Variants in LARP1B observed in about 807,000 individuals in gnomAD.
The protein encoded by LARP1B is La ribonucleoprotein 1B.
A neutral mutation model predicts 114.2 loss-of-function variants in LARP1B; 76 were observed. That is an observed-to-expected ratio of 0.67 (90% CI 0.55 to 0.81). The LOEUF (loss-of-function observed/expected upper bound fraction) is 0.81, where lower values mean the gene tolerates loss of function less well. Ranked by LOEUF, LARP1B falls within the 30% of genes least tolerant of loss-of-function variation. The pLI is 0.00. For synonymous variants in LARP1B, 345 were observed against 348.0 expected (o/e 0.99, Z 0.10); for missense variants, 1,014 against 1,075.8 (o/e 0.94, Z 0.80).
intron 10 of LARP1B, among the ~76,000 whole-genome samples, chr4:128,115,453 C>T (rs2149913829): frequency 6.6e-6 from 1 of 152,178 alleles, no homozygotes; most frequent in East Asian, 1.9e-4. Context: ...TGCCTGTGGT[C>T]TCAGCTACTC....
chr4:128,076,443 G>C (rs969369534), intron 3 of LARP1B, among the ~76,000 whole-genome samples: 1 of 152,092 alleles, frequency 6.6e-6, no homozygotes, highest in African/African-American at 2.4e-5. Flanking sequence ...TTACTTGTGT[G>C]TCAGCAGTTC....
At chr4:128,118,270 T>C (rs894325212) in intron 10 of LARP1B, among the ~76,000 whole-genome samples, 41 of 145,130 alleles carry the variant, frequency 2.8e-4, no homozygotes, top group African/African-American at 1.1e-3. Context: ...TCTTGCCCTG[T>C]CACTAGGCTG....
At chr4:128,144,557 A>C (rs1489222004) in intron 11 of LARP1B, among the ~76,000 whole-genome samples, 1 of 151,828 alleles carries the variant, frequency 6.6e-6, no homozygotes, top group Non-Finnish European at 1.5e-5. Context: ...CTTTTTGTGA[A>C]ATCCTAGGCT....
rs9307603 is a variant in LARP1B, at chr4:128,091,618, A to G, written c.668+106A>G. ...GCTATAATTTTTTTTTTTTTTTGAG[A>G]CAGAGTCTCACTCTGTTGCCCAGGC... On this transcript the variant is annotated intron_variant, in intron 7 of 19. Transcript: ENST00000326639. 1.2e-3 allele frequency: 970 copies of G among 786,140 alleles called. 10 individuals are homozygous for G. The African/African-American group carries it at 0.016, about 13-fold the overall frequency. 48.7% of individuals were successfully genotyped at this position (786,140 alleles called of 1,614,324 possible).
chr4:128,102,866 C>G (rs898189715), intron 8 of LARP1B, among the ~76,000 whole-genome samples: 9 of 152,180 alleles, frequency 5.9e-5, no homozygotes, highest in Admixed American at 1.3e-4. Flanking sequence ...AGCCTCAGAA[C>G]TGTGCCTGCT....
chr4:128,176,207 A>T (rs963767735), intron 12 of LARP1B, among the ~76,000 whole-genome samples: 1 of 143,842 alleles, frequency 7.0e-6, no homozygotes, highest in Non-Finnish European at 1.5e-5. Flanking sequence ...TATATATTAT[A>T]TATTTATATA....
At chr4:128,143,903 G>C (rs1462745590) in intron 11 of LARP1B, among the ~76,000 whole-genome samples, 2 of 151,410 alleles carry the variant, frequency 1.3e-5, no homozygotes, top group African/African-American at 2.4e-5. Context: ...AAGAGAGAAT[G>C]GAAGATACAG....
chr4:128,065,566 A>G (rs917795282), intron 1 of LARP1B, among the ~76,000 whole-genome samples: 2 of 151,898 alleles, frequency 1.3e-5, no homozygotes, highest in African/African-American at 2.4e-5. Context: ...GCAGTTAAAT[A>G]ACTTAGGTAA....
chr4:128,073,801 G>A (rs1766680089), intron 1 of LARP1B, among the ~76,000 whole-genome samples: 2 of 151,704 alleles, frequency 1.3e-5, no homozygotes, highest in South Asian at 4.2e-4. Context: ...ATGTTGGCCA[G>A]GCTGGTCTCA....
At chr4:128,213,986 C>T (rs1228837906), downstream of LARP1B, among the ~76,000 whole-genome samples, 5 of 151,628 alleles carry the variant, frequency 3.3e-5, no homozygotes, top group African/African-American at 9.7e-5. Flanking sequence ...CATTGCCTCA[C>T]CTGGGAAGCG....
chr4:128,130,668 G>A (rs764184615), intron 11 of LARP1B, among the ~76,000 whole-genome samples: 3 of 152,190 alleles, frequency 2.0e-5, no homozygotes, highest in Non-Finnish European at 2.9e-5. Context: ...TCTTACCAAA[G>A]GATCTAGCAA....
chr4:128,145,635 G>A (rs1186053345), intron 11 of LARP1B, among the ~76,000 whole-genome samples: 2 of 152,100 alleles, frequency 1.3e-5, no homozygotes, highest in African/African-American at 4.8e-5. Context: ...AAACTCTAAA[G>A]CACTACCTTC....
At chr4:128,177,516 TA>T (rs774948967) in intron 13 of LARP1B, among the ~76,000 whole-genome samples, 1 of 151,502 alleles carries the variant, frequency 6.6e-6, no homozygotes, top group Admixed American at 6.6e-5. Context: ...AATAACCGAA[TA>T]AAAAAAACAG....
intron 15 of LARP1B, among the ~76,000 whole-genome samples, chr4:128,184,960 A>G (rs57297662): frequency 0.027 from 4,069 of 152,198 alleles, 167 homozygotes; most frequent in African/African-American, 0.093. Context: ...GTGTATGTTT[A>G]TGTATGTGCC....
intron 11 of LARP1B, among the ~76,000 whole-genome samples, chr4:128,137,313 G>A (rs1725781936): frequency 6.6e-6 from 1 of 152,042 alleles, no homozygotes; most frequent in African/African-American, 2.4e-5. Context: ...ATTGGCTGTG[G>A]GTCAGCTATT....
intron 11 of LARP1B, among the ~76,000 whole-genome samples, chr4:128,160,020 G>C (rs1355732138): frequency 6.6e-6 from 1 of 152,222 alleles, no homozygotes; most frequent in Non-Finnish European, 1.5e-5. Context: ...TCATATGGTA[G>C]GATAGAGCAA....
In LARP1B at chr4:128,211,031, A is replaced by G; in HGVS notation, c.*978A>G. On this transcript the variant is annotated 3_prime_UTR_variant, in exon 20 of 20. Coordinates refer to ENST00000326639, the MANE Select transcript of LARP1B (RefSeq NM_018078.4). Reference sequence around the variant, plus strand: ...AATTTTGTTTTTATAAATGTTTTCAAGAGTTATAGCAAATTGATTTCTAAT... The same window carrying G: ...AATTTTGTTTTTATAAATGTTTTCAGGAGTTATAGCAAATTGATTTCTAAT... The G allele has an allele frequency of 1.1e-6, 1 of 904,576 alleles. No individual in the cohort carries two copies. Among genetic ancestry groups the G allele is most frequent in the Non-Finnish European group, 1.3e-6 (1 of 756,504 alleles). The allele number at this position is 904,576 out of a possible 1,614,324, so 56.0% of individuals were successfully genotyped here. A position where few individuals can be genotyped will look rare whatever the true frequency, so the allele number is the denominator to read the frequency against.
chr4:128,082,165 C>T lies in LARP1B; in HGVS notation c.218C>T (p.Ala73Val), dbSNP rs745382079. The T allele has an allele frequency of 6.2e-7, 1 of 1,607,962 alleles. No homozygotes were observed. Among genetic ancestry groups the T allele is most frequent in the Non-Finnish European group, 8.5e-7 (1 of 1,178,770 alleles). Reference protein sequence around the residue: ...EAQSSNQRKRANKHKWVPLHL... With the variant: ...EAQSSNQRKRVNKHKWVPLHL... Reference sequence around the variant, plus strand: ...CTTAAATGATTTTGTTTTCTTCAAGCTAATAAGCACAAGTGGGTACCACTC... The same window carrying T: ...CTTAAATGATTTTGTTTTCTTCAAGTTAATAAGCACAAGTGGGTACCACTC... Residue 73 changes from alanine (A) to valine (V), a missense_variant and splice_region_variant, in exon 5 of 20, where the codon GCT becomes GTT. Physicochemically the swap from Ala to Val is moderately conservative, Grantham distance 64. Transcript: ENST00000326639.
intron 9 of LARP1B, among the ~76,000 whole-genome samples, chr4:128,112,310 G>T (rs1784385475): frequency 6.6e-6 from 1 of 151,660 alleles, no homozygotes; most frequent in African/African-American, 2.4e-5. Flanking sequence ...AATGTTATAT[G>T]CTCAGTGTAA....
Sources: gnomAD v4.1 joint callset for allele counts (sites outside exome capture counted in the v4.1 genomes callset) on GRCh38, gnomAD v4.1.1 for gene constraint, MANE v1.5 for transcripts, NCBI Gene and HGNC (gene_info 2026-07-23, HGNC 2026-07-21) for gene names.